EEPD1: variants seen among roughly 807,000 people sequenced by gnomAD.
EEPD1 encodes the protein endonuclease/exonuclease/phosphatase family domain-containing protein 1.
EEPD1 carries 17 observed loss-of-function variants against 46.3 expected under a neutral mutation model. The observed-to-expected ratio is 0.37, with a 90% CI of 0.25 to 0.55. The LOEUF (loss-of-function observed/expected upper bound fraction) is 0.55, where lower values mean the gene tolerates loss of function less well. Among genes scored for constraint, EEPD1 ranks in the 20% least tolerant of loss-of-function variants. The pLI is 0.83. For synonymous variants in EEPD1, 313 were observed against 315.6 expected (o/e 0.99, Z 0.09); for missense variants, 673 against 745.6 (o/e 0.90, Z 1.13).
intron 4 of EEPD1, among the ~76,000 whole-genome samples, chr7:36,282,911 A>T (rs1787282858): frequency 6.6e-6 from 1 of 152,378 alleles, no homozygotes; most frequent in East Asian, 1.9e-4. Flanking sequence ...ATCCAAAAAA[A>T]TTTAAACACT....
chr7:36,240,600 T>C (rs1356999074), intron 3 of EEPD1, among the ~76,000 whole-genome samples: 4 of 152,244 alleles, frequency 2.6e-5, no homozygotes, highest in Non-Finnish European at 5.9e-5. Flanking sequence ...GGTCAGGCTA[T>C]AAAAGACATC....
chr7:36,209,581 A>G (rs2115721960), intron 2 of EEPD1, among the ~76,000 whole-genome samples: 1 of 152,242 alleles, frequency 6.6e-6, no homozygotes, highest in African/African-American at 2.4e-5. Flanking sequence ...GCTGGGTTTT[A>G]ATGGGAGGCT....
chr7:36,284,716 G>T lies in EEPD1; in HGVS notation c.1072G>T (p.Ala358Ser), dbSNP rs3815682. 2,744 of 1,611,862 alleles carry T rather than the reference G, an allele frequency of 1.7e-3. 36 individuals are homozygous for T. In the East Asian group the frequency reaches 0.023, roughly 14 times the overall value. Residue 358 changes from alanine (A) to serine (S), a missense_variant, in exon 5 of 8, where the codon GCG becomes TCG. Ala to Ser is a moderately conservative substitution (Grantham distance 99). Coordinates refer to ENST00000242108, the MANE Select transcript of EEPD1 (RefSeq NM_030636.3). ...GAGYAGFLWD[A>S]AAGMELRDAG... ...TGGGTATGCAGGATTCCTATGGGAC[G>T]CGGCTGCCGGCATGGAGCTGAGAGA...
At chr7:36,254,453 T>G (rs1157848977) in intron 3 of EEPD1, among the ~76,000 whole-genome samples, 2 of 152,244 alleles carry the variant, frequency 1.3e-5, no homozygotes, top group Non-Finnish European at 2.9e-5. Flanking sequence ...GCAAAGGACA[T>G]GAACTCATCC....
At chr7:36,194,999 A>G (rs182565017) in intron 2 of EEPD1, among the ~76,000 whole-genome samples, 2 of 152,250 alleles carry the variant, frequency 1.3e-5, no homozygotes, top group Admixed American at 1.3e-4. Flanking sequence ...CAGAGCTCCA[A>G]TTTCCAGCCC....
Position 36,235,654 on chromosome 7 carries a change from A to G in EEPD1, c.879-3331A>G, listed in dbSNP as rs573923785. On this transcript the variant is annotated intron_variant, in intron 2 of 7. Coordinates refer to ENST00000242108, the MANE Select transcript of EEPD1 (RefSeq NM_030636.3). ...ACCTGCACACAGTAGGGCGCTGTCA[A>G]TGTTTGGAAAACAAATGAGTGGCTG... is the stretch of plus-strand genomic sequence containing the variant. 3.3e-5 allele frequency among the ~76,000 whole-genome samples: 5 copies of G among 152,354 alleles called. No homozygotes were observed. In the East Asian group the frequency reaches 9.6e-4, roughly 29 times the overall value.
chr7:36,285,057 G>A (rs537721114), intron 5 of EEPD1, among the ~76,000 whole-genome samples: 5 of 152,140 alleles, frequency 3.3e-5, no homozygotes, highest in East Asian at 1.9e-4. Flanking sequence ...GAGCAGGAGA[G>A]GGGGGAAGGA....
chr7:36,189,693 A>G (rs1785427816), intron 2 of EEPD1, among the ~76,000 whole-genome samples: 1 of 152,162 alleles, frequency 6.6e-6, no homozygotes, highest in South Asian at 2.1e-4. Context: ...CTTCCAATAA[A>G]TGAGCTACCC....
chr7:36,182,446 T>C (rs1785285818), intron 2 of EEPD1, among the ~76,000 whole-genome samples: 1 of 152,238 alleles, frequency 6.6e-6, no homozygotes, highest in Admixed American at 6.5e-5. Flanking sequence ...CTCTTTATAG[T>C]ATCTTGATTT....
Position 36,284,728 on chromosome 7 carries a change from A to G in EEPD1, c.1084A>G (p.Met362Val). ...AGFLWDAAAG[M>V]ELRDAGSQES... ...ATTCCTATGGGACGCGGCTGCCGGC[A>G]TGGAGCTGAGAGACGCGGGTTCACA... Residue 362 changes from methionine (M) to valine (V), a missense_variant, in exon 5 of 8, where the codon ATG becomes GTG. Transcript: ENST00000242108. 3 of 1,611,358 alleles carry G rather than the reference A, an allele frequency of 1.9e-6. No homozygotes were observed. Among genetic ancestry groups the G allele is most frequent in the Non-Finnish European group, 2.5e-6 (3 of 1,178,714 alleles).
chr7:36,189,660 C>A (rs969928476), intron 2 of EEPD1, among the ~76,000 whole-genome samples: 12 of 152,118 alleles, frequency 7.9e-5, no homozygotes, highest in Admixed American at 6.5e-4. Context: ...CTGTCCCTGC[C>A]CAGAGATGCC....
At chr7:36,294,521 G>C (rs1163650927) in intron 6 of EEPD1, among the ~76,000 whole-genome samples, 1 of 152,166 alleles carries the variant, frequency 6.6e-6, no homozygotes, top group Admixed American at 6.5e-5. Context: ...GGGGAAAAAA[G>C]TGAAATGTAA....
At chr7:36,158,003 A>G (rs1418412778) in intron 2 of EEPD1, among the ~76,000 whole-genome samples, 3 of 152,188 alleles carry the variant, frequency 2.0e-5, no homozygotes, top group Non-Finnish European at 4.4e-5. Context: ...ATCCATGTGT[A>G]CCTGTAATAA....
intron 6 of EEPD1, among the ~76,000 whole-genome samples, chr7:36,290,733 C>T (rs1403782239): frequency 6.6e-6 from 1 of 152,136 alleles, no homozygotes; most frequent in Admixed American, 6.5e-5. Context: ...CTCTTGACAT[C>T]TTGGCAGATG....
intron 2 of EEPD1, among the ~76,000 whole-genome samples, chr7:36,157,589 A>C (rs1784845200): frequency 6.6e-6 from 1 of 152,198 alleles, no homozygotes. Flanking sequence ...AGAAGGGATC[A>C]CCTGTAAGTG....
At chr7:36,231,004 T>C (rs79572929) in intron 2 of EEPD1, 1 of 152,328 alleles carries the variant, frequency 6.6e-6, no homozygotes, top group Non-Finnish European at 1.5e-5. Context: ...GACTCTAGCA[T>C]CCTTTAGGTT....
intron 7 of EEPD1, among the ~76,000 whole-genome samples, chr7:36,298,415 A>G (rs1290081346): frequency 2.6e-5 from 4 of 152,200 alleles, no homozygotes; most frequent in Admixed American, 1.3e-4. Flanking sequence ...TCAATCCTGC[A>G]CTAAGGACCA....
At chr7:36,171,947 G>A (rs1785090826) in intron 2 of EEPD1, among the ~76,000 whole-genome samples, 1 of 151,894 alleles carries the variant, frequency 6.6e-6, no homozygotes, top group African/African-American at 2.4e-5. Flanking sequence ...GTCCAGGAGG[G>A]GACTTCACTT....
At chr7:36,215,610 C>G (rs546274661) in intron 2 of EEPD1, among the ~76,000 whole-genome samples, 1 of 152,376 alleles carries the variant, frequency 6.6e-6, no homozygotes, top group Admixed American at 6.5e-5. Flanking sequence ...CTTGCATTCT[C>G]AAAGCCTGTA....
Sources: gnomAD v4.1 joint callset for allele counts (sites outside exome capture counted in the v4.1 genomes callset) on GRCh38, gnomAD v4.1.1 for gene constraint, MANE v1.5 for transcripts, NCBI Gene and HGNC (gene_info 2026-07-23, HGNC 2026-07-21) for gene names.